PCDH15: variants seen among roughly 807,000 people sequenced by gnomAD.
PCDH15 encodes protocadherin-15.
Under a neutral mutation model 178.5 loss-of-function variants are expected in PCDH15, and 129 were observed. The ratio of observed to expected loss-of-function variants is 0.72; its 90% CI spans 0.63 to 0.84. PCDH15 has a LOEUF of 0.84. Ranked by LOEUF, PCDH15 falls within the 40% of genes least tolerant of loss-of-function variation. The pLI is 0.00. For missense variants in PCDH15, 2,230 were observed against 2,099.9 expected (o/e 1.06, Z -1.21); for synonymous variants, 800 against 732.0 (o/e 1.09, Z -1.50).
At chr10:55,536,747 T>G (rs1841586735) in intron 2 of PCDH15, among the ~76,000 whole-genome samples, 2 of 152,150 alleles carry the variant, frequency 1.3e-5, no homozygotes, top group Admixed American at 1.3e-4. Flanking sequence ...TTTAAGTACT[T>G]TCTGATGAAA....
At chr10:55,019,667 C>A (rs1400439068) in intron 2 of PCDH15, among the ~76,000 whole-genome samples, 2 of 152,148 alleles carry the variant, frequency 1.3e-5, no homozygotes, top group African/African-American at 2.4e-5. Flanking sequence ...AATCCTGCAT[C>A]TGTTGCCAGT....
intron 2 of PCDH15, among the ~76,000 whole-genome samples, chr10:55,537,021 C>A (rs568238651): frequency 1.1e-4 from 16 of 152,066 alleles, no homozygotes; most frequent in African/African-American, 3.1e-4. Flanking sequence ...AGCTTCTCAT[C>A]TAGCCCCAAA....
chr10:55,459,071 T>A (rs1839613945), intron 2 of PCDH15, among the ~76,000 whole-genome samples: 1 of 151,680 alleles, frequency 6.6e-6, no homozygotes, highest in Non-Finnish European at 1.5e-5. Context: ...AAGAACCAGA[T>A]AAAGGGAAGT....
At chr10:55,251,028 A>G (rs189544441) in intron 1 of PCDH15, among the ~76,000 whole-genome samples, 176 of 152,224 alleles carry the variant, frequency 1.2e-3, no homozygotes, top group Non-Finnish European at 2.2e-3. Context: ...CAGTTGTAGG[A>G]AAAAAATACA....
rs899757855 is a variant in PCDH15, at chr10:54,067,042, A to T, written c.2092-157T>A. ...ATAAAAATAAAAAAATAAAAAAATT[A>T]AAAAAAAGAAGCTTGCAAAGAAGCT... On this transcript the variant is annotated intron_variant, in intron 17 of 37. Coordinates refer to ENST00000644397, the MANE Select transcript of PCDH15 (RefSeq NM_001384140.1). Among the ~76,000 whole-genome samples, 66 of 151,980 alleles carry T rather than the reference A, an allele frequency of 4.3e-4. 1 individual carries two copies. Among genetic ancestry groups the T allele is most frequent in the African/African-American group, 1.3e-3 (54 of 41,524 alleles).
chr10:55,316,186 T>C (rs1843717815), intron 1 of PCDH15, among the ~76,000 whole-genome samples: 2 of 152,190 alleles, frequency 1.3e-5, no homozygotes, highest in African/African-American at 2.4e-5. Context: ...CCAATACATA[T>C]GCTACTGTAA....
intron 2 of PCDH15, among the ~76,000 whole-genome samples, chr10:54,650,252 C>T (rs2094226975): frequency 1.3e-5 from 2 of 152,072 alleles, no homozygotes; most frequent in Admixed American, 6.6e-5. Context: ...GTGGCTATCG[C>T]ATTTCAAGCT....
At chr10:53,874,851 G>A (rs542528974) in intron 26 of PCDH15, among the ~76,000 whole-genome samples, 9 of 151,550 alleles carry the variant, frequency 5.9e-5, no homozygotes, top group South Asian at 2.1e-4. Flanking sequence ...TTTAAAATGC[G>A]GAATAAAAAA....
chr10:55,425,664 A>ACG (rs1433653513), intron 2 of PCDH15, among the ~76,000 whole-genome samples: 2 of 151,996 alleles, frequency 1.3e-5, no homozygotes, highest in Admixed American at 6.6e-5. Context: ...TTTCACACAC[A>ACG]CACACACAAA....
chr10:54,383,985 ATTTTTTTTTTTTTT>A (rs59756150), intron 3 of PCDH15, among the ~76,000 whole-genome samples: 6 of 129,156 alleles, frequency 4.6e-5, no homozygotes, highest in Admixed American at 7.9e-5. Context: ...CAAACAGTTA[ATTTTTTTTTTTTTT>A]TTTTTTTTTT....
At chr10:55,289,778 G>T (rs964100968) in intron 1 of PCDH15, among the ~76,000 whole-genome samples, 11 of 151,958 alleles carry the variant, frequency 7.2e-5, no homozygotes, top group Non-Finnish European at 1.6e-4. Context: ...TTAACAGGTG[G>T]GTCTTTTAAG....
rs373481571 is a variant in PCDH15 at position 55,078,108 on chromosome 10, A to AT, written c.-80+88467dup. Among the ~76,000 whole-genome samples the AT allele has an allele frequency of 5.3e-3, 800 of 152,088 alleles. 8 individuals carry two copies. Among genetic ancestry groups the AT allele is most frequent in the African/African-American group, 0.018 (742 of 41,496 alleles). ...TCTGGAGTTAGTATCCTTGGGTAGA[A>AT]TTTTTTTATTTCAGCACTTTGAATA... On this transcript the variant is annotated intron_variant, in intron 2 of 5. Coordinates refer to the PCDH15 transcript ENST00000458638.
chr10:54,706,713 T>C (rs2095368754), intron 1 of PCDH15, among the ~76,000 whole-genome samples: 1 of 152,150 alleles, frequency 6.6e-6, no homozygotes, highest in Admixed American at 6.6e-5. Context: ...AACGTCCGCC[T>C]CCCAGGTTCA....
chr10:55,292,924 T>C (rs1843044580), intron 1 of PCDH15, among the ~76,000 whole-genome samples: 1 of 151,916 alleles, frequency 6.6e-6, no homozygotes, highest in African/African-American at 2.4e-5. Context: ...ATGGCAGCCC[T>C]CTTCTCATAG....
intron 2 of PCDH15, among the ~76,000 whole-genome samples, chr10:55,100,066 AG>A (rs1842542159): frequency 6.6e-6 from 1 of 152,154 alleles, no homozygotes; most frequent in Non-Finnish European, 1.5e-5. Flanking sequence ...CTATGTGCCT[AG>A]TGAATACTTA....
chr10:54,904,653 A>C (rs946150466), intron 2 of PCDH15, among the ~76,000 whole-genome samples: 1 of 152,046 alleles, frequency 6.6e-6, no homozygotes, highest in Non-Finnish European at 1.5e-5. Flanking sequence ...ATGAACCATG[A>C]CATTTAGGTG....
chr10:54,502,913 T>G (rs898083693), intron 3 of PCDH15, among the ~76,000 whole-genome samples: 8 of 152,116 alleles, frequency 5.3e-5, no homozygotes, highest in African/African-American at 1.9e-4. Flanking sequence ...ATGTAAAAAT[T>G]ATAAGCTCAC....
intron 2 of PCDH15, among the ~76,000 whole-genome samples, chr10:54,984,270 C>A (rs1318109776): frequency 6.6e-6 from 1 of 152,142 alleles, no homozygotes; most frequent in Non-Finnish European, 1.5e-5. Flanking sequence ...AATTTACCTT[C>A]CCCAAGGAAG....
At position 54,174,557 on chromosome 10, in the gene PCDH15, T is replaced by G. The variant is rs186552908; in HGVS notation, c.1590+8887A>C. ...AAAAAAGAAAAACAGGTAGATGCAT[T>G]AAATAAGTATATGAGAAAAAATTGG... On this transcript the variant is annotated intron_variant, in intron 13 of 37. Coordinates refer to ENST00000644397, the MANE Select transcript of PCDH15 (RefSeq NM_001384140.1). Among the ~76,000 whole-genome samples the G allele has an allele frequency of 2.6e-3, 389 of 151,758 alleles. 1 individual carries two copies. The highest frequency in any genetic ancestry group is 8.9e-3 in the African/African-American group (368 of 41,426).
Sources: gnomAD v4.1 joint callset for allele counts (sites outside exome capture counted in the v4.1 genomes callset) on GRCh38, gnomAD v4.1.1 for gene constraint, MANE v1.5 for transcripts, NCBI Gene and HGNC (gene_info 2026-07-23, HGNC 2026-07-21) for gene names.